HPSE2: variants seen among roughly 807,000 people sequenced by gnomAD.
The protein encoded by HPSE2 is heparanase 2 (inactive).
A neutral mutation model predicts 60.5 loss-of-function variants in HPSE2; 38 were observed. That is an observed-to-expected ratio of 0.63 (90% CI 0.48 to 0.82). HPSE2 has a LOEUF of 0.82. Among genes scored for constraint, HPSE2 ranks in the 40% least tolerant of loss-of-function variants. The pLI is 0.00. For synonymous variants in HPSE2, 295 were observed against 293.2 expected, an observed-to-expected ratio of 1.01 and a Z score of -0.06; for missense variants, 713 against 740.4, an observed-to-expected ratio of 0.96 and a Z score of 0.43.
chr10:98,877,052 CA>C (rs568161398), intron 3 of HPSE2, among the ~76,000 whole-genome samples: 147 of 151,840 alleles, frequency 9.7e-4, no homozygotes, highest in Non-Finnish European at 1.7e-3. Context: ...AATCCATGTT[CA>C]AAAACATTTT....
intron 3 of HPSE2, among the ~76,000 whole-genome samples, chr10:98,986,866 T>A (rs190941395): frequency 2.0e-3 from 312 of 152,206 alleles, no homozygotes; most frequent in Admixed American, 5.7e-3. Context: ...TATAAACACC[T>A]CTACGGAAAT....
chr10:98,759,301 T>C (rs1310496631), intron 3 of HPSE2, among the ~76,000 whole-genome samples: 3 of 152,022 alleles, frequency 2.0e-5, no homozygotes, highest in African/African-American at 7.2e-5. Context: ...AATTTACCCA[T>C]GCAACAAACC....
chr10:98,474,423 G>C (rs546779066), intron 11 of HPSE2, among the ~76,000 whole-genome samples: 1 of 152,248 alleles, frequency 6.6e-6, no homozygotes, highest in African/African-American at 2.4e-5. Context: ...ATATGGTCTG[G>C]TCTGTTCCAA....
the HPSE2 span, among the ~76,000 whole-genome samples, chr10:99,260,599 C>T: frequency 6.6e-6 from 1 of 152,222 alleles, no homozygotes; most frequent in Non-Finnish European, 1.5e-5. Flanking sequence ...CAAGAGGACA[C>T]ATTTTATCCG....
intron 11 of HPSE2, among the ~76,000 whole-genome samples, chr10:98,471,525 T>C (rs1591225779): frequency 6.6e-6 from 1 of 152,186 alleles, no homozygotes; most frequent in Non-Finnish European, 1.5e-5. Context: ...TTGAGTGCCA[T>C]GTCAGGAGGC....
At chr10:99,165,757 G>A (rs1847055007) in intron 2 of HPSE2, among the ~76,000 whole-genome samples, 1 of 151,894 alleles carries the variant, frequency 6.6e-6, no homozygotes. Flanking sequence ...ATGCTGGTCA[G>A]GCTGGTCTCG....
chr10:99,119,584 A>G (rs992064362), intron 3 of HPSE2, among the ~76,000 whole-genome samples: 1 of 152,210 alleles, frequency 6.6e-6, no homozygotes, highest in Non-Finnish European at 1.5e-5. Flanking sequence ...GAACTAGAAA[A>G]AGCTATTTTA....
At chr10:98,870,446 C>T (rs746884093) in intron 3 of HPSE2, among the ~76,000 whole-genome samples, 1 of 152,058 alleles carries the variant, frequency 6.6e-6, no homozygotes, top group Non-Finnish European at 1.5e-5. Flanking sequence ...AAAAATGTTG[C>T]CTATCTTTGG....
chr10:98,658,986 C>T (rs1278087221), intron 6 of HPSE2, among the ~76,000 whole-genome samples: 2 of 150,718 alleles, frequency 1.3e-5, no homozygotes, highest in Admixed American at 6.6e-5. Flanking sequence ...AATTTAGTGA[C>T]GTTTAGTACA....
intron 2 of HPSE2, among the ~76,000 whole-genome samples, chr10:99,193,968 G>A (rs1848308553): frequency 6.6e-6 from 1 of 152,064 alleles, no homozygotes; most frequent in South Asian, 2.1e-4. Flanking sequence ...CCAAGAGCTG[G>A]AGAATACATA....
intron 3 of HPSE2, among the ~76,000 whole-genome samples, chr10:99,007,443 C>T (rs1474307537): frequency 1.3e-5 from 2 of 152,208 alleles, no homozygotes; most frequent in Non-Finnish European, 2.9e-5. Flanking sequence ...CTACCCTCTT[C>T]AATGTGCCCC....
chr10:98,706,042 A>G (rs1948538958), intron 5 of HPSE2, among the ~76,000 whole-genome samples: 1 of 152,222 alleles, frequency 6.6e-6, no homozygotes, highest in Non-Finnish European at 1.5e-5. Context: ...AGTTTCTTAT[A>G]TGTATAGCTT....
At chr10:99,310,084 C>A in the HPSE2 span, among the ~76,000 whole-genome samples, 65 of 152,306 alleles carry the variant, frequency 4.3e-4, no homozygotes, top group African/African-American at 1.5e-3. Flanking sequence ...ATCACTCCAT[C>A]TTCACATTGC....
chr10:99,258,335 C>T, the HPSE2 span, among the ~76,000 whole-genome samples: 1 of 151,632 alleles, frequency 6.6e-6, no homozygotes, highest in Non-Finnish European at 1.5e-5. Context: ...TGTGCAAGAC[C>T]TGAAAACTAT....
intron 3 of HPSE2, among the ~76,000 whole-genome samples, chr10:99,004,820 AG>A (rs1956855905): frequency 6.6e-6 from 1 of 152,182 alleles, no homozygotes; most frequent in South Asian, 2.1e-4. Flanking sequence ...ATGTTGTATA[AG>A]ACGGGTCTGG....
chr10:98,471,266 C>T (rs1411473797), intron 11 of HPSE2, among the ~76,000 whole-genome samples: 3 of 152,192 alleles, frequency 2.0e-5, no homozygotes, highest in Non-Finnish European at 4.4e-5. Context: ...TTTGAATCAC[C>T]TGGGGAGCTT....
chr10:98,617,494 C>G (rs1199546196), intron 8 of HPSE2, among the ~76,000 whole-genome samples: 2 of 152,182 alleles, frequency 1.3e-5, no homozygotes, highest in Admixed American at 1.3e-4. Context: ...AATATGCATT[C>G]TCCCTGCAAA....
At chr10:98,590,271 T>C (rs1330794107) in intron 9 of HPSE2, among the ~76,000 whole-genome samples, 1 of 152,174 alleles carries the variant, frequency 6.6e-6, no homozygotes, top group African/African-American at 2.4e-5. Flanking sequence ...TGAAACCCCG[T>C]CTTTACTAAA....
intron 3 of HPSE2, among the ~76,000 whole-genome samples, chr10:98,747,594 C>T (rs1368774211): frequency 6.6e-6 from 1 of 152,168 alleles, no homozygotes. Context: ...AACTAGAATG[C>T]TAAAAGTTTG....
Sources: gnomAD v4.1 joint callset for allele counts (sites outside exome capture counted in the v4.1 genomes callset) on GRCh38, gnomAD v4.1.1 for gene constraint, MANE v1.5 for transcripts, NCBI Gene and HGNC (gene_info 2026-07-23, HGNC 2026-07-21) for gene names.